FADS6: variants seen among roughly 807,000 people sequenced by gnomAD.
The protein encoded by FADS6 is fatty acid desaturase domain family, member 6.
FADS6 carries 28 observed loss-of-function variants against 31.7 expected under a neutral mutation model. That is an observed-to-expected ratio of 0.88 (90% confidence interval 0.66 to 1.21). FADS6 has a LOEUF of 1.21. FADS6 is among the 50% of genes most tolerant of loss of function. FADS6 has a pLI of 0.00. For synonymous variants in FADS6, 191 were observed against 213.1 expected, an observed-to-expected ratio of 0.90 and a Z score of 0.90; for missense variants, 494 against 504.2, an observed-to-expected ratio of 0.98 and a Z score of 0.19.
At chr17:74,887,470 C>A (rs1338403932) in intron 2 of FADS6, among the ~76,000 whole-genome samples, 2 of 152,174 alleles carry the variant, frequency 1.3e-5, no homozygotes. Context: ...TCACTCCACC[C>A]TGGTCAATGC....
In FADS6 at chr17:74,879,421, C is replaced by A; in HGVS notation, c.943G>T (p.Asp315Tyr). 6.2e-7 allele frequency: 1 copy of A among 1,613,830 alleles called. No homozygotes were observed. Among genetic ancestry groups the A allele is most frequent in the East Asian group, 2.2e-5 (1 of 44,890 alleles). Reference sequence around the variant, plus strand: ...TCGACTACCTTCAGGCACATGTTATCAGAGAGCCTGGGGAATAGATGGTGT... The same window carrying A: ...TCGACTACCTTCAGGCACATGTTATAAGAGAGCCTGGGGAATAGATGGTGT... ...VEHHLFPRLS[D>Y]NMCLKVKPVV... The change falls in exon 5 of 6, where the codon GAT becomes TAT. Residue 315 changes from aspartate (D) to tyrosine (Y), a missense_variant. Physicochemically the swap from Asp to Tyr is radical, Grantham distance 160. Around this residue, in one of 2 missense-constraint regions of FADS6, gnomAD observed 454 missense variants for 438.5 expected, o/e 1.04. Coordinates refer to ENST00000612771, the MANE Select transcript of FADS6 (RefSeq NM_178128.6).
At position 74,893,343 on chromosome 17, in the gene FADS6, G is replaced by A; in HGVS notation, c.244+9C>T. 6.6e-7 allele frequency: 1 copy of A among 1,511,712 alleles called. No homozygotes were observed. Among genetic ancestry groups the A allele is most frequent in the South Asian group, 1.2e-5 (1 of 81,396 alleles). The allele number at this position is 1,511,712 out of a possible 1,614,324, so 93.6% of individuals were successfully genotyped here. ...CCCGGCCGGGACGCCGGGTCCCCGC[G>A]TTCCTCACCTGCCGGCAAGGCGAAG... On this transcript the variant is annotated intron_variant, in intron 1 of 5. Coordinates refer to ENST00000612771, the MANE Select transcript of FADS6 (RefSeq NM_178128.6).
intron 2 of FADS6, among the ~76,000 whole-genome samples, chr17:74,892,281 G>A (rs920257616): frequency 3.3e-5 from 5 of 152,186 alleles, no homozygotes; most frequent in Non-Finnish European, 7.4e-5. Context: ...TGTGGGCCAA[G>A]ACAGCGGCAT....
intron 2 of FADS6, among the ~76,000 whole-genome samples, chr17:74,890,631 C>G (rs986269305): frequency 6.6e-6 from 1 of 152,052 alleles, no homozygotes; most frequent in African/African-American, 2.4e-5. Context: ...AGAATATTGC[C>G]AAGAGCTCAA....
chr17:74,892,447 C>A (rs1031965777), intron 2 of FADS6, 76 bp downstream of exon 2: 29 of 1,515,930 alleles, frequency 1.9e-5, no homozygotes, highest in Admixed American at 1.0e-4. Context: ...CTGGACACAC[C>A]CGCATGCTCG....
chr17:74,891,668 A>G (rs1001519822), intron 2 of FADS6, among the ~76,000 whole-genome samples: 1 of 152,286 alleles, frequency 6.6e-6, no homozygotes, highest in African/African-American at 2.4e-5. Context: ...GTGCTAGGTG[A>G]GAAATGCTTC....
chr17:74,879,164 G>T, intron 5 of FADS6: 1 of 475,192 alleles, frequency 2.1e-6, no homozygotes, highest in Non-Finnish European at 3.7e-6. Context: ...CAGCTTCCAA[G>T]CAGCTGGGAC....
rs113092563 is a variant in FADS6, at chr17:74,888,613, T to C, written c.411+3910A>G. 2.6e-4 allele frequency among the ~76,000 whole-genome samples: 39 copies of C among 152,266 alleles called. 1 individual carries two copies. The highest frequency in any genetic ancestry group is 9.1e-4 in the African/African-American group (38 of 41,548). The stretch of plus-strand genomic sequence containing the variant: ...GATGACATTCTCCTACAAGGTGCCC[T>C]TCCCCCAGGGCAGAGCTCCGGTCCA... On this transcript the variant is annotated intron_variant, in intron 2 of 5. Coordinates refer to ENST00000612771, the MANE Select transcript of FADS6 (RefSeq NM_178128.6).
At chr17:74,878,538 C>T (rs1476548945) in intron 5 of FADS6, 61 bp from the exon 6 acceptor site, 85 of 1,583,238 alleles carry the variant, frequency 5.4e-5, no homozygotes, top group Middle Eastern at 1.7e-4. Context: ...CCCATCATCC[C>T]GTCAGGGGAG....
intron 2 of FADS6, among the ~76,000 whole-genome samples, chr17:74,889,584 G>C (rs2038666021): frequency 6.8e-6 from 1 of 147,656 alleles, no homozygotes; most frequent in Non-Finnish European, 1.5e-5. Context: ...AAAAAAAAAA[G>C]GCCGGGTACA....
Position 74,881,083 on chromosome 17 carries a change from G to A in FADS6, c.765C>T (p.His255=), listed in dbSNP as rs191541307. The part of the protein sequence containing the change: ...TRSLLAHPYL[H]VNIFQHIGLP... ...GTGGCCTCACCTGGAAGATGTTGAC[G>A]TGGAGGTAGGGGTGGGCCAACAGGG... The change falls in exon 4 of 6, where the codon CAC becomes CAT. Residue 255 remains histidine (H), a synonymous_variant. Transcript: ENST00000612771. 2.4e-4 allele frequency: 382 copies of A among 1,613,172 alleles called. 2 individuals are homozygous for A. The African/African-American group carries it at 3.9e-3, about 17-fold the overall frequency.
At chr17:74,887,958 T>G (rs2038641220) in intron 2 of FADS6, among the ~76,000 whole-genome samples, 1 of 152,142 alleles carries the variant, frequency 6.6e-6, no homozygotes, top group Non-Finnish European at 1.5e-5. Flanking sequence ...AGTGCTGGGA[T>G]TACAGGCGTG....
At chr17:74,881,291 C>G in intron 3 of FADS6, 36 bp from the exon 4 acceptor site, 1 of 1,546,526 alleles carries the variant, frequency 6.5e-7, no homozygotes, top group African/African-American at 1.4e-5. Flanking sequence ...AGGCTCAGAT[C>G]CATCAGGAGG....
Position 74,878,203 on chromosome 17 carries a change from T to G in FADS6, c.*128A>C. On this transcript the variant is annotated 3_prime_UTR_variant, in exon 6 of 6. Transcript: ENST00000612771. ...CCAGGCCTGAGCTCCCCTGCCCCCC[T>G]GCCTGGCCGGTGCCTCCACTCTCCA... 2 of 1,442,850 alleles carry G rather than the reference T, an allele frequency of 1.4e-6. No individual in the cohort carries two copies. The highest frequency in any genetic ancestry group is 1.8e-6 in the Non-Finnish European group (2 of 1,101,562). The allele number at this position is 1,442,850 out of a possible 1,614,324, so 89.4% of individuals were successfully genotyped here.
chr17:74,882,609 C>A lies in FADS6; in HGVS notation c.513G>T (p.Arg171Ser). 3 of 1,611,462 alleles carry A rather than the reference C, an allele frequency of 1.9e-6. No homozygotes were observed. The highest frequency in any genetic ancestry group is 2.5e-6 in the Non-Finnish European group (3 of 1,178,990). ...AGACATAGCGGTTGAGGCAAGGCAG[C>A]CTCCACGTGCTGGAGTCCCCCAGGC... Reference protein sequence around the residue: ...VVGLGDSSTWRLPCLNRYVYM... With the variant: ...VVGLGDSSTWSLPCLNRYVYM... Residue 171 changes from arginine (R) to serine (S), a missense_variant, in exon 3 of 6, where the codon AGG becomes AGT. Arg to Ser is a moderately radical substitution (Grantham distance 110). Coordinates refer to ENST00000612771, the MANE Select transcript of FADS6 (RefSeq NM_178128.6).
rs552954450 is a variant in FADS6, at chr17:74,885,208, G to A, written c.412-2498C>T. Among the ~76,000 whole-genome samples the A allele has an allele frequency of 2.0e-5, 3 of 151,682 alleles. No homozygotes were observed. In the East Asian group the frequency reaches 5.8e-4, roughly 29 times the overall value. The stretch of plus-strand genomic sequence containing the variant: ...TTGGCAAACTTGGGTTTATCTGCCT[G>A]TAGACAAGTCTCTCTCACACCAACA... On this transcript the variant is annotated intron_variant, in intron 2 of 5. Transcript: ENST00000612771.
Position 74,881,222 on chromosome 17 carries a change from A to G in FADS6, c.626T>C (p.Leu209Pro), listed in dbSNP as rs1405414766. 6.2e-7 allele frequency: 1 copy of G among 1,606,944 alleles called. No homozygotes were observed. The highest frequency in any genetic ancestry group is 8.5e-7 in the Non-Finnish European group (1 of 1,176,878). The change falls in exon 4 of 6, where the codon CTG becomes CCG. Residue 209 changes from leucine to proline, a missense_variant. Physicochemically the swap from Leu to Pro is moderately conservative, Grantham distance 98. Coordinates refer to ENST00000612771, the MANE Select transcript of FADS6 (RefSeq NM_178128.6). ...CAGAGAAATCAGGGCCAGCGTCCGC[A>G]GGGCTGTCCCGAGCTCCACCTTCCT... ...RLRKVELGTA[L>P]RTLALISLGL...
At chr17:74,886,011 G>A (rs571671358) in intron 2 of FADS6, among the ~76,000 whole-genome samples, 36 of 152,080 alleles carry the variant, frequency 2.4e-4, no homozygotes, top group African/African-American at 8.0e-4. Context: ...AGGCCGAGGC[G>A]GGCGGATCAC....
At chr17:74,889,980 G>A (rs969300943) in intron 2 of FADS6, among the ~76,000 whole-genome samples, 2 of 152,026 alleles carry the variant, frequency 1.3e-5, no homozygotes, top group Non-Finnish European at 2.9e-5. Context: ...ACTGGTGGAG[G>A]GTGTCAGGAC....
Sources: gnomAD v4.1 joint callset for allele counts (sites outside exome capture counted in the v4.1 genomes callset) on GRCh38, gnomAD v4.1.1 for gene constraint, gnomAD v4.1.1 regional missense constraint, MANE v1.5 for transcripts, NCBI Gene and HGNC (gene_info 2026-07-23, HGNC 2026-07-21) for gene names.